Variants in EMILIN2 observed in about 807,000 individuals in gnomAD.
EMILIN2 encodes the protein elastin microfibril interfacer 2.
A neutral mutation model predicts 87.1 loss-of-function variants in EMILIN2; 71 were observed. The ratio of observed to expected loss-of-function variants is 0.82; its 90% CI spans 0.67 to 0.99. The LOEUF is 0.99. Ranked by LOEUF, EMILIN2 falls within the 50% of genes least tolerant of loss-of-function variation. EMILIN2 has a pLI of 0.00. For synonymous variants in EMILIN2, 581 were observed against 563.4 expected, an observed-to-expected ratio of 1.03 and a Z score of -0.44; for missense variants, 1,407 against 1,371.8, an observed-to-expected ratio of 1.03 and a Z score of -0.40.
chr18:2,868,455 A>C lies in EMILIN2; in HGVS notation c.258-16509A>C, dbSNP rs575843963. Among the ~76,000 whole-genome samples, 22 of 152,266 alleles carry C rather than the reference A, an allele frequency of 1.4e-4. 1 individual carries two copies. In the South Asian group the frequency reaches 4.6e-3, roughly 32 times the overall value. ...TGGGAGGCCAAGGCAGGCGGCTGGG[A>C]GGTGGTTGCAGCCAGCCAAGATCAC... On this transcript the variant is annotated intron_variant, in intron 2 of 7. Transcript: ENST00000254528.
intron 4 of EMILIN2, among the ~76,000 whole-genome samples, chr18:2,898,218 G>C (rs1419257284): frequency 2.0e-5 from 3 of 152,224 alleles, no homozygotes; most frequent in Non-Finnish European, 2.9e-5. Context: ...ATCCCCACAA[G>C]TGGGGGTGTG....
intron 2 of EMILIN2, among the ~76,000 whole-genome samples, chr18:2,867,785 A>T (rs532610545): frequency 1.3e-5 from 2 of 152,366 alleles, no homozygotes; most frequent in East Asian, 1.9e-4. Context: ...CCGATTTCTC[A>T]GTCTTTTCCC....
At position 2,891,694 on chromosome 18, in the gene EMILIN2, G is replaced by A; in HGVS notation, c.1567G>A (p.Ala523Thr). The change falls in exon 4 of 8, where the codon GCC becomes ACC. Residue 523 changes from alanine to threonine, a missense_variant. Transcript: ENST00000254528. The surrounding 1 kb of genome is among the most constrained non-coding windows in gnomAD (Gnocchi z 4.6). ...GAELSPPGAA[A>T]LPGVSGSGDE... ...AGAGCTCAGTCCCCCAGGGGCAGCAGCCCTGCCAGGAGTGTCAGGGTCAGG... is the reference window on the plus strand; with the variant it reads ...AGAGCTCAGTCCCCCAGGGGCAGCAACCCTGCCAGGAGTGTCAGGGTCAGG... The A allele has an allele frequency of 6.2e-7, 1 of 1,614,174 alleles. No individual in the cohort carries two copies. The highest frequency in any genetic ancestry group is 1.1e-5 in the South Asian group (1 of 91,086).
intron 2 of EMILIN2, among the ~76,000 whole-genome samples, chr18:2,854,654 T>A: frequency 6.6e-6 from 1 of 152,030 alleles, no homozygotes. Context: ...ACTAGCTGGG[T>A]ATGGTGCTAC....
At chr18:2,885,356 C>T (rs1364694985) in intron 3 of EMILIN2, among the ~76,000 whole-genome samples, 1 of 152,138 alleles carries the variant, frequency 6.6e-6, no homozygotes, top group Non-Finnish European at 1.5e-5. Context: ...CTAGGGCCAG[C>T]TTGTTGTGAA....
rs1040245048 is a variant in EMILIN2, at chr18:2,871,202, G to T, written c.258-13762G>T. The stretch of plus-strand genomic sequence containing the variant: ...GGCTTTCTTATCCATGCAGAGGAGG[G>T]TCATGAATGCTTTCATTGGGGACAT... On this transcript the variant is annotated intron_variant, in intron 2 of 7. Transcript: ENST00000254528. Among the ~76,000 whole-genome samples the T allele has an allele frequency of 8.5e-5, 13 of 152,248 alleles. No individual in the cohort carries two copies. The East Asian group carries it at 1.7e-3, about 20-fold the overall frequency.
rs2076832420 is a variant in EMILIN2 at position 2,890,889 on chromosome 18, T to C, written c.762T>C (p.Thr254=). The change falls in exon 4 of 8, where the codon ACT becomes ACC. Residue 254 remains threonine (T), a synonymous_variant. Coordinates refer to ENST00000254528, the MANE Select transcript of EMILIN2 (RefSeq NM_032048.3). This position sits in a 1 kb window ranked among gnomAD's most constrained non-coding sequence, Gnocchi z 4.7. ...GCCAGAGTCCTGGTGTCTTCAACACTAAGGAATCTGGCATGAAGGACATCA... is the reference window on the plus strand; with the variant it reads ...GCCAGAGTCCTGGTGTCTTCAACACCAAGGAATCTGGCATGAAGGACATCA... ...ETGQSPGVFN[T]KESGMKDIKS... is the part of the protein sequence containing the mutation. 2 of 1,613,678 alleles carry C rather than the reference T, an allele frequency of 1.2e-6. No homozygotes were observed. The highest frequency in any genetic ancestry group is 2.7e-5 in the African/African-American group (2 of 74,844).
intron 4 of EMILIN2, among the ~76,000 whole-genome samples, chr18:2,897,615 CA>C (rs1187920618): frequency 6.6e-6 from 1 of 152,140 alleles, no homozygotes; most frequent in Non-Finnish European, 1.5e-5. Flanking sequence ...CCTGTAATCC[CA>C]ACACTTTGGG....
In EMILIN2 at chr18:2,848,066, G is replaced by A. The variant is rs2076585075; in HGVS notation, c.257+135G>A. ...CCGGTGAAAAGCCCGCAGCGGAAAA[G>A]CGCTCCGAGCGCTCGCGGGGCACCG... On this transcript the variant is annotated intron_variant, in intron 2 of 7. Coordinates refer to ENST00000254528, the MANE Select transcript of EMILIN2 (RefSeq NM_032048.3). The surrounding 1 kb of genome is among the most constrained non-coding windows in gnomAD (Gnocchi z 4.1). 8.5e-7 allele frequency: 1 copy of A among 1,179,000 alleles called. No homozygotes were observed. Among genetic ancestry groups the A allele is most frequent in the African/African-American group, 1.6e-5 (1 of 63,784 alleles). 73.0% of individuals were successfully genotyped at this position (1,179,000 alleles called of 1,614,324 possible).
chr18:2,914,930 G>A lies in EMILIN2; in HGVS notation c.*1526G>A, dbSNP rs1042921032. ...ACAGCTGGGGAACTGGCTAAAGAGA[G>A]CTGTCAGAGAGTATCCTTGGCTGTC... On this transcript the variant is annotated 3_prime_UTR_variant, in exon 8 of 8. Transcript: ENST00000254528. The A allele has an allele frequency of 2.0e-5, 3 of 152,272 alleles. No individual in the cohort carries two copies. The highest frequency in any genetic ancestry group is 4.8e-5 in the African/African-American group (2 of 41,468). 9.4% of individuals were successfully genotyped at this position (152,272 alleles called of 1,614,324 possible).
intron 2 of EMILIN2, among the ~76,000 whole-genome samples, chr18:2,864,836 C>T (rs1227499883): frequency 2.4e-4 from 36 of 152,230 alleles, no homozygotes; most frequent in Middle Eastern, 3.4e-3. Context: ...CCATTCTCCC[C>T]GTCACTTTCA....
At chr18:2,884,656 G>A (rs943251146) in intron 2 of EMILIN2, among the ~76,000 whole-genome samples, 43 of 152,158 alleles carry the variant, frequency 2.8e-4, no homozygotes, top group African/African-American at 7.2e-4. Flanking sequence ...GCTCAGTTTG[G>A]GGGCTGAAAA....
intron 2 of EMILIN2, among the ~76,000 whole-genome samples, chr18:2,879,906 C>G (rs2076768511): frequency 6.6e-6 from 1 of 152,014 alleles, no homozygotes; most frequent in Non-Finnish European, 1.5e-5. Context: ...TGAGGTTTTG[C>G]TATGTTGCCC....
Position 2,892,147 on chromosome 18 carries a change from T to G in EMILIN2, c.2020T>G (p.Trp674Gly). 5.6e-6 allele frequency: 9 copies of G among 1,608,028 alleles called. No individual in the cohort carries two copies. The highest frequency in any genetic ancestry group is 7.7e-6 in the Non-Finnish European group (9 of 1,176,098). ...AHCCSQLEERWQRLQSQVISE... is the reference protein window; with the variant it reads ...AHCCSQLEERGQRLQSQVISE... ...TTGCTGCAGTCAGCTGGAGGAGAGG[T>G]GGCAGAGGTTGCAGAGCCAGGTCAT... The change falls in exon 4 of 8, where the codon TGG (tryptophan) becomes GGG (glycine). Residue 674 changes from tryptophan (W) to glycine (G), a missense_variant. Physicochemically the swap from Trp to Gly is radical, Grantham distance 184 (BLOSUM62 -2). Coordinates refer to ENST00000254528, the MANE Select transcript of EMILIN2 (RefSeq NM_032048.3).
Position 2,915,967 on chromosome 18 carries a change from G to A in EMILIN2, c.*2563G>A, listed in dbSNP as rs758167177. 3 of 152,302 alleles carry A rather than the reference G, an allele frequency of 2.0e-5. No homozygotes were observed. Among genetic ancestry groups the A allele is most frequent in the African/African-American group, 7.2e-5 (3 of 41,564 alleles). The allele number at this position is 152,302 out of a possible 1,614,324, so 9.4% of individuals were successfully genotyped here. On this transcript the variant is annotated 3_prime_UTR_variant, in exon 8 of 8. Coordinates refer to ENST00000254528, the MANE Select transcript of EMILIN2 (RefSeq NM_032048.3). The stretch of plus-strand genomic sequence containing the variant: ...ACACGATTAAAAACAAAATGGTATC[G>A]TCAATAAATGCAAACCTTAAACTGC...
At position 2,915,345 on chromosome 18, in the gene EMILIN2, C is replaced by G. The variant is rs889753353; in HGVS notation, c.*1941C>G. Reference sequence around the variant, plus strand: ...GGTGGATCCTGGCCCACTTAGGAGACATCTTTAGAAAGGGAAAGGCTGTCT... The same window carrying G: ...GGTGGATCCTGGCCCACTTAGGAGAGATCTTTAGAAAGGGAAAGGCTGTCT... On this transcript the variant is annotated 3_prime_UTR_variant, in exon 8 of 8. Transcript: ENST00000254528. The G allele has an allele frequency of 6.6e-6, 1 of 152,206 alleles. No homozygotes were observed. Among genetic ancestry groups the G allele is most frequent in the Non-Finnish European group, 1.5e-5 (1 of 68,060 alleles). 9.4% of individuals were successfully genotyped at this position (152,206 alleles called of 1,614,324 possible).
Position 2,909,951 on chromosome 18 carries a change from G to A in EMILIN2, c.2824+132G>A, listed in dbSNP as rs757802826. 2.9e-5 allele frequency: 36 copies of A among 1,247,974 alleles called. No individual in the cohort carries two copies. The highest frequency in any genetic ancestry group is 2.5e-4 in the Middle Eastern group (1 of 3,988). The allele number at this position is 1,247,974 out of a possible 1,614,324, so 77.3% of individuals were successfully genotyped here. ...GGACGCCACCCTGGAGCAGATGCCC[G>A]AGTGGGCCTGCACTCCTCTGCCCGA... On this transcript the variant is annotated intron_variant, in intron 7 of 7. Transcript: ENST00000254528.
At chr18:2,854,554 A>G (rs988677471) in intron 2 of EMILIN2, among the ~76,000 whole-genome samples, 4 of 152,160 alleles carry the variant, frequency 2.6e-5, no homozygotes, top group African/African-American at 9.7e-5. Context: ...GCACTTTGGG[A>G]GGCTGAGGCA....
rs1229503210 is a variant in EMILIN2 at position 2,915,118 on chromosome 18, A to AT, written c.*1714_*1715insT. On this transcript the variant is annotated 3_prime_UTR_variant, in exon 8 of 8. Coordinates refer to ENST00000254528, the MANE Select transcript of EMILIN2 (RefSeq NM_032048.3). The stretch of plus-strand genomic sequence containing the variant: ...AGAGCTGCAGGGGCAGGGCCCAGGC[A>AT]AAAGGTGGGTGATGACTACCTGCTG... 6.6e-6 allele frequency: 1 copy of AT among 152,326 alleles called. No individual in the cohort carries two copies. Among genetic ancestry groups the AT allele is most frequent in the East Asian group, 1.9e-4 (1 of 5,194 alleles). 9.4% of individuals were successfully genotyped at this position (152,326 alleles called of 1,614,324 possible). A position where few individuals can be genotyped will look rare whatever the true frequency, so the allele number is the denominator to read the frequency against.
Sources: gnomAD v4.1 joint callset for allele counts (sites outside exome capture counted in the v4.1 genomes callset) on GRCh38, gnomAD v4.1.1 for gene constraint, Gnocchi (gnomAD v3.1) non-coding constraint, MANE v1.5 for transcripts, NCBI Gene and HGNC (gene_info 2026-07-23, HGNC 2026-07-21) for gene names.